The following SLC25A20 variants were observed in gnomAD, a reference collection of about 807,000 sequenced individuals.
The protein encoded by SLC25A20 is mitochondrial carnitine/acylcarnitine carrier protein.
SLC25A20 carries 29 observed loss-of-function variants against 39.7 expected under a neutral mutation model. That is an observed-to-expected ratio of 0.73 (90% confidence interval 0.54 to 1.00). SLC25A20 has a LOEUF of 1.00. Among genes scored for constraint, SLC25A20 ranks in the 50% least tolerant of loss-of-function variants. The pLI, the probability that SLC25A20 is intolerant of heterozygous loss-of-function variation, is 0.00. For synonymous variants in SLC25A20, 103 were observed against 142.2 expected (o/e 0.72, Z 1.96); for missense variants, 333 against 379.9 (o/e 0.88, Z 1.03).
chr3:48,879,468 C>T lies in SLC25A20; in HGVS notation c.327-20G>A, dbSNP rs1369279500. 3.2e-6 allele frequency: 5 copies of T among 1,569,986 alleles called. No individual in the cohort carries two copies. The highest frequency in any genetic ancestry group is 4.4e-6 in the Non-Finnish European group (5 of 1,139,844). On this transcript the variant is annotated intron_variant, in intron 3 of 8. Coordinates refer to ENST00000319017, the MANE Select transcript of SLC25A20 (RefSeq NM_000387.6). ...GGATAGCTGCATTGAAAACAAAAAG[C>T]AGAAGCAAGCACCTGTGACTAACCA...
intron 2 of SLC25A20, among the ~76,000 whole-genome samples, chr3:48,891,457 C>T (rs1386003379): frequency 2.0e-5 from 3 of 152,146 alleles, no homozygotes; most frequent in South Asian, 4.1e-4. Flanking sequence ...GCAAACTCTA[C>T]CTCCTGGTGG....
At chr3:48,886,268 T>C (rs2083828167) in intron 2 of SLC25A20, among the ~76,000 whole-genome samples, 1 of 152,194 alleles carries the variant, frequency 6.6e-6, no homozygotes, top group African/African-American at 2.4e-5. Flanking sequence ...CTCATGCCTG[T>C]AATCCCAGCA....
chr3:48,891,934 G>T, intron 2 of SLC25A20, 46 bp downstream of exon 2: 1 of 1,444,666 alleles, frequency 6.9e-7, no homozygotes, highest in Non-Finnish European at 9.7e-7. Context: ...AATCAACCCC[G>T]TGAATGTGTT....
In SLC25A20 at chr3:48,898,801, TC is replaced by T; in HGVS notation, c.-8del. 6.4e-7 allele frequency: 1 copy of T among 1,559,346 alleles called. No homozygotes were observed. The highest frequency in any genetic ancestry group is 8.7e-7 in the Non-Finnish European group (1 of 1,151,752). On this transcript the variant is annotated 5_prime_UTR_variant, in exon 1 of 9. Coordinates refer to ENST00000319017, the MANE Select transcript of SLC25A20 (RefSeq NM_000387.6). The stretch of plus-strand genomic sequence containing the variant: ...GTTTTGGCTGGTCGGCCATGGTCAG[TC>T]CGTCTGTCACTCCGTCTGTCAGTTC...
intron 4 of SLC25A20, among the ~76,000 whole-genome samples, chr3:48,867,339 G>A (rs1325436417): frequency 4.6e-5 from 7 of 151,438 alleles, no homozygotes; most frequent in South Asian, 4.2e-4. Flanking sequence ...TCTGCCTCCC[G>A]GATTCAAGTG....
chr3:48,868,061 TA>T (rs1267353414), intron 4 of SLC25A20, among the ~76,000 whole-genome samples: 91 of 139,784 alleles, frequency 6.5e-4, no homozygotes, highest in Admixed American at 5.9e-4. Context: ...AAACTCCATC[TA>T]AAAAAAAAAA....
chr3:48,879,443 G>A lies in SLC25A20; in HGVS notation c.332C>T (p.Pro111Leu). Residue 111 changes from proline (P) to leucine (L), a missense_variant, in exon 4 of 9, where the codon CCC (proline) becomes CTC (leucine). Physicochemically the swap from Pro to Leu is moderately conservative, Grantham distance 98. Transcript: ENST00000319017. ...TAACATCCCAGCTGCAAAAAGCTGGGGATAGCTGCATTGAAAACAAAAAGC... is the reference window on the plus strand; with the variant it reads ...TAACATCCCAGCTGCAAAAAGCTGGAGATAGCTGCATTGAAAACAAAAAGC... The part of the protein sequence containing the change: ...QKHPEDVLSY[P>L]QLFAAGMLSG... The A allele has an allele frequency of 6.2e-7, 1 of 1,613,230 alleles. No homozygotes were observed. The highest frequency in any genetic ancestry group is 8.5e-7 in the Non-Finnish European group (1 of 1,179,276).
chr3:48,865,797 G>C (rs1394202500), intron 4 of SLC25A20, among the ~76,000 whole-genome samples: 2 of 149,382 alleles, frequency 1.3e-5, no homozygotes, highest in Non-Finnish European at 3.0e-5. Context: ...GAAAAGAAAA[G>C]AAAGATAAGT....
intron 5 of SLC25A20, among the ~76,000 whole-genome samples, chr3:48,861,762 C>T (rs1285483137): frequency 6.6e-6 from 1 of 151,784 alleles, no homozygotes; most frequent in South Asian, 2.1e-4. Flanking sequence ...TGCGGTGGCT[C>T]ACACCAGTAA....
At chr3:48,872,713 A>G (rs1251391227) in intron 4 of SLC25A20, among the ~76,000 whole-genome samples, 1 of 151,368 alleles carries the variant, frequency 6.6e-6, no homozygotes, top group Non-Finnish European at 1.5e-5. Context: ...AAGGTGTTTA[A>G]TTAGCTGTTT....
At chr3:48,892,887 C>T (rs1405789290) in intron 1 of SLC25A20, among the ~76,000 whole-genome samples, 1 of 152,120 alleles carries the variant, frequency 6.6e-6, no homozygotes, top group African/African-American at 2.4e-5. Flanking sequence ...TAATTTCTAA[C>T]TTATATGTCA....
At chr3:48,875,824 C>T (rs1292203128) in intron 4 of SLC25A20, among the ~76,000 whole-genome samples, 3 of 152,090 alleles carry the variant, frequency 2.0e-5, no homozygotes, top group Non-Finnish European at 4.4e-5. Context: ...TCAAGGCCAG[C>T]CTGGGCAACG....
intron 4 of SLC25A20, among the ~76,000 whole-genome samples, chr3:48,876,310 C>G (rs1339548392): frequency 6.7e-6 from 1 of 148,704 alleles, no homozygotes; most frequent in Non-Finnish European, 1.5e-5. Flanking sequence ...CCACTGATCT[C>G]CAGCCTGAGC....
chr3:48,887,795 G>A lies in SLC25A20; in HGVS notation c.199-3671C>T, dbSNP rs546573511. The stretch of plus-strand genomic sequence containing the variant: ...CAGACGCTTGTAGTCCCAGCTACTC[G>A]GGAGGCTGAGGCAGGGAGAATTGCT... On this transcript the variant is annotated intron_variant, in intron 2 of 8. Transcript: ENST00000319017. Among the ~76,000 whole-genome samples the A allele has an allele frequency of 7.2e-5, 11 of 152,206 alleles. No individual in the cohort carries two copies. The South Asian group carries it at 1.7e-3, about 23-fold the overall frequency.
intron 4 of SLC25A20, among the ~76,000 whole-genome samples, chr3:48,863,362 G>A (rs548596056): frequency 2.7e-4 from 41 of 152,268 alleles, no homozygotes; most frequent in Middle Eastern, 3.4e-3. Flanking sequence ...AGTTGGTTAA[G>A]AAAAGGTGAA....
chr3:48,861,609 C>T (rs1575979153), intron 5 of SLC25A20, among the ~76,000 whole-genome samples: 1 of 151,368 alleles, frequency 6.6e-6, no homozygotes, highest in Non-Finnish European at 1.5e-5. Context: ...CACCTGTAAC[C>T]CCAGCTACTC....
chr3:48,857,919 T>C lies in SLC25A20; in HGVS notation c.844-147A>G, dbSNP rs1450388670. The C allele has an allele frequency of 2.1e-5, 14 of 663,052 alleles. 2 individuals carry two copies. Among genetic ancestry groups the C allele is most frequent in the South Asian group, 1.6e-4 (9 of 57,342 alleles). The allele number at this position is 663,052 out of a possible 1,614,324, so 41.1% of individuals were successfully genotyped here. ...CACATCAAGGATGCAAGCTCTACTC[T>C]CTCATTTTTAAGAGGAGAAGAAAAT... On this transcript the variant is annotated intron_variant, in intron 8 of 8. Coordinates refer to ENST00000319017, the MANE Select transcript of SLC25A20 (RefSeq NM_000387.6).
At chr3:48,859,726 G>A in intron 5 of SLC25A20, 99 bp from the exon 6 acceptor site, 1 of 990,072 alleles carries the variant, frequency 1.0e-6, no homozygotes, top group Non-Finnish European at 1.6e-6. Context: ...GATTGAGGCA[G>A]GGGGATTGCT....
intron 3 of SLC25A20, among the ~76,000 whole-genome samples, chr3:48,881,123 T>C (rs2083792343): frequency 6.6e-6 from 1 of 152,036 alleles, no homozygotes; most frequent in South Asian, 2.1e-4. Context: ...AAGAGTTCAC[T>C]CCAGGCAGGG....
Sources: allele counts gnomAD v4.1 joint callset (sites outside exome capture counted in the v4.1 genomes callset), GRCh38; gene constraint gnomAD v4.1.1; transcripts MANE v1.5; gene names NCBI Gene and HGNC (gene_info 2026-07-23, HGNC 2026-07-21).